NBAS: variants seen among roughly 807,000 people sequenced by gnomAD.
NBAS encodes NBAS subunit of NRZ tethering complex.
In NBAS, 219 loss-of-function variants were observed where a neutral mutation model predicts 302.5. The ratio of observed to expected loss-of-function variants is 0.72; its 90% CI spans 0.65 to 0.81. The LOEUF (loss-of-function observed/expected upper bound fraction) is 0.81. NBAS is among the 30% of genes least tolerant of loss of function. The pLI, the probability that NBAS is intolerant of heterozygous loss-of-function variation, is 0.00. For synonymous variants in NBAS, 1,118 were observed against 1,021.6 expected (o/e 1.09, Z -1.80); for missense variants, 2,932 against 2,841.6 (o/e 1.03, Z -0.72).
the NBAS span, among the ~76,000 whole-genome samples, chr2:15,022,830 T>C: frequency 6.6e-6 from 1 of 152,224 alleles, no homozygotes; most frequent in Admixed American, 6.5e-5. Flanking sequence ...ATCTTTTTAA[T>C]ACTTTTGGAA....
rs143962413 is a variant in NBAS, at chr2:15,203,890, T to TTGTGTGTGTGTG, written c.6433-13499_6433-13488dup. Among the ~76,000 whole-genome samples the TTGTGTGTGTGTG allele has an allele frequency of 7.3e-3, 943 of 129,522 alleles. 10 individuals carry two copies. Among genetic ancestry groups the TTGTGTGTGTGTG allele is most frequent in the African/African-American group, 0.018 (642 of 35,992 alleles). The allele number at this position is 129,522 out of a possible 152,430, so 85.0% of individuals were successfully genotyped here. A position where few individuals can be genotyped will look rare whatever the true frequency, so the allele number is the denominator to read the frequency against. ...TGTGTCTGTGTGTGTGTGTGTGTGC[T>TTGTGTGTGTGTG]TGTGTGTGTGTGTGTGTGTGTGTGT... On this transcript the variant is annotated intron_variant, in intron 48 of 51. Coordinates refer to ENST00000281513, the MANE Select transcript of NBAS (RefSeq NM_015909.4).
At chr2:15,198,586 T>G (rs554813753) in intron 48 of NBAS, among the ~76,000 whole-genome samples, 3 of 152,286 alleles carry the variant, frequency 2.0e-5, no homozygotes, top group African/African-American at 7.2e-5. Flanking sequence ...GGCCAGAACA[T>G]GAGGACAACT....
chr2:15,035,268 C>T, the NBAS span, among the ~76,000 whole-genome samples: 23 of 152,222 alleles, frequency 1.5e-4, no homozygotes, highest in South Asian at 3.9e-3. Context: ...TAAATCAAAA[C>T]CACAATGAGA....
intron 21 of NBAS, among the ~76,000 whole-genome samples, chr2:15,432,025 G>A (rs920369896): frequency 6.6e-6 from 1 of 150,602 alleles, no homozygotes; most frequent in Admixed American, 6.6e-5. Context: ...TCATGGATTC[G>A]ATTCACAATT....
chr2:15,086,840 A>T, the NBAS span, among the ~76,000 whole-genome samples: 4 of 152,162 alleles, frequency 2.6e-5, no homozygotes, highest in Admixed American at 1.3e-4. Flanking sequence ...ATTATTCTGG[A>T]TGTTTCTATG....
At chr2:15,296,555 A>C (rs1006062815) in intron 40 of NBAS, among the ~76,000 whole-genome samples, 1 of 146,744 alleles carries the variant, frequency 6.8e-6, no homozygotes, top group African/African-American at 2.6e-5. Flanking sequence ...AAAAAAAAAA[A>C]CTTTGCAAAT....
chr2:15,402,175 C>T lies in NBAS; in HGVS notation c.3064G>A (p.Gly1022Arg). The change falls in exon 26 of 52, where the codon GGA becomes AGA. Residue 1022 changes from glycine (G) to arginine (R), a missense_variant. By Grantham distance (125) the Gly-to-Arg change is moderately radical (BLOSUM62 -2). Coordinates refer to ENST00000281513, the MANE Select transcript of NBAS (RefSeq NM_015909.4). ...YDLLECLPER[G>R]YGDKTEATTK... ...CATACTGTGTATTCTTACCCATATC[C>T]TCTTTCTGGCAGACATTCTAGTAGG... 6.2e-7 allele frequency: 1 copy of T among 1,613,444 alleles called. No homozygotes were observed. The highest frequency in any genetic ancestry group is 1.1e-5 in the South Asian group (1 of 91,050).
At chr2:14,907,128 G>A in the NBAS span, among the ~76,000 whole-genome samples, 1 of 152,202 alleles carries the variant, frequency 6.6e-6, no homozygotes, top group South Asian at 2.1e-4. Flanking sequence ...TGCCCTGGCT[G>A]CTGTGGGGTA....
intron 29 of NBAS, 108 bp from the exon 30 acceptor site, chr2:15,379,939 T>A: frequency 1.0e-6 from 1 of 976,072 alleles, no homozygotes; most frequent in Non-Finnish European, 1.6e-6. Context: ...ACATCCACCC[T>A]AGAGGTGGTG....
At chr2:15,430,231 C>T (rs1335791149) in intron 21 of NBAS, among the ~76,000 whole-genome samples, 1 of 152,126 alleles carries the variant, frequency 6.6e-6, no homozygotes, top group Non-Finnish European at 1.5e-5. Flanking sequence ...AAAATGGTAT[C>T]TTCACTGAAC....
chr2:14,793,423 A>G, the NBAS span, among the ~76,000 whole-genome samples: 1 of 152,224 alleles, frequency 6.6e-6, no homozygotes, highest in Non-Finnish European at 1.5e-5. Context: ...AAAATGTTGG[A>G]TGGGTTTAAC....
At chr2:15,302,656 A>T (rs1005592253) in intron 40 of NBAS, among the ~76,000 whole-genome samples, 1 of 152,136 alleles carries the variant, frequency 6.6e-6, no homozygotes, top group Non-Finnish European at 1.5e-5. Flanking sequence ...AATTTGATAG[A>T]TGTGATGGTT....
At chr2:14,802,169 G>A in the NBAS span, among the ~76,000 whole-genome samples, 2 of 136,490 alleles carry the variant, frequency 1.5e-5, no homozygotes, top group East Asian at 2.1e-4. Context: ...TAACGTTTAA[G>A]TCTTTAATCC....
At chr2:15,194,292 G>C (rs1304094090) in intron 48 of NBAS, among the ~76,000 whole-genome samples, 1 of 152,024 alleles carries the variant, frequency 6.6e-6, no homozygotes, top group Admixed American at 6.6e-5. Flanking sequence ...GGTAGAAAAA[G>C]AAAAATTTTG....
intron 48 of NBAS, among the ~76,000 whole-genome samples, chr2:15,217,899 T>C (rs1445742307): frequency 1.3e-5 from 2 of 152,186 alleles, no homozygotes; most frequent in Non-Finnish European, 2.9e-5. Context: ...ATAACGATAA[T>C]AATTATAAAT....
chr2:15,273,998 T>G (rs1274410489), intron 44 of NBAS, among the ~76,000 whole-genome samples: 1 of 151,618 alleles, frequency 6.6e-6, no homozygotes, highest in Admixed American at 6.6e-5. Flanking sequence ...GAGAATGGCA[T>G]GAACCCAGGA....
chr2:14,958,258 C>A, the NBAS span, among the ~76,000 whole-genome samples: 5 of 152,234 alleles, frequency 3.3e-5, no homozygotes, highest in South Asian at 1.0e-3. Context: ...CGGGTCCTGG[C>A]CTCTCCCACA....
intron 21 of NBAS, 55 bp downstream of exon 21, chr2:15,461,146 A>C: frequency 6.7e-7 from 1 of 1,483,926 alleles, no homozygotes; most frequent in Non-Finnish European, 9.3e-7. Flanking sequence ...TCAGCATGAC[A>C]AAAAAATTAT....
intron 44 of NBAS, among the ~76,000 whole-genome samples, chr2:15,257,322 GT>G (rs761017978): frequency 1.5e-4 from 22 of 151,524 alleles, no homozygotes; most frequent in Non-Finnish European, 2.8e-4. Context: ...TAGTTTGTGT[GT>G]GTAAAGGTGT....
Sources: gnomAD v4.1 joint callset for allele counts (sites outside exome capture counted in the v4.1 genomes callset) on GRCh38, gnomAD v4.1.1 for gene constraint, MANE v1.5 for transcripts, NCBI Gene and HGNC (gene_info 2026-07-23, HGNC 2026-07-21) for gene names.